PTCHD4: variants seen among roughly 807,000 people sequenced by gnomAD.
The protein encoded by PTCHD4 is patched domain containing 4.
In PTCHD4, 33 loss-of-function variants were observed where a neutral mutation model predicts 58.1. The observed-to-expected ratio is 0.57, with a 90% CI of 0.43 to 0.76. The LOEUF is 0.76. Among genes scored for constraint, PTCHD4 ranks in the 30% least tolerant of loss-of-function variants. The pLI is 0.00. For missense variants in PTCHD4, 1,058 were observed against 1,027.1 expected (o/e 1.03, Z -0.41); for synonymous variants, 478 against 409.6 (o/e 1.17, Z -2.02).
chr6:48,036,573 A>G (rs1476489669), intron 3 of PTCHD4, among the ~76,000 whole-genome samples: 2 of 152,116 alleles, frequency 1.3e-5, no homozygotes, highest in African/African-American at 2.4e-5. Flanking sequence ...GTCATTTAGT[A>G]GCTGCCACAG....
intron 4 of PTCHD4, among the ~76,000 whole-genome samples, chr6:47,982,061 A>G (rs1407752454): frequency 1.3e-5 from 2 of 152,178 alleles, no homozygotes; most frequent in Non-Finnish European, 2.9e-5. Context: ...TGTGACATTT[A>G]ACTGTCAAAA....
intron 3 of PTCHD4, among the ~76,000 whole-genome samples, chr6:48,051,450 C>T (rs1426571923): frequency 6.6e-6 from 1 of 151,892 alleles, no homozygotes; most frequent in East Asian, 1.9e-4. Flanking sequence ...CCCACAATTA[C>T]CTTAACAGTT....
chr6:48,068,375 A>T lies in PTCHD4; in HGVS notation c.272T>A (p.Leu91Gln). 1 of 1,613,926 alleles carries T rather than the reference A, an allele frequency of 6.2e-7. No homozygotes were observed. Among genetic ancestry groups the T allele is most frequent in the Non-Finnish European group, 8.5e-7 (1 of 1,179,864 alleles). Residue 91 changes from leucine to glutamine, a missense_variant, in exon 3 of 5, where the codon CTG becomes CAG. Leu to Gln is a moderately radical substitution (Grantham distance 113). Coordinates refer to ENST00000339488, the MANE Select transcript of PTCHD4 (RefSeq NM_001384253.1). The surrounding 1 kb of genome is among the most constrained non-coding windows in gnomAD (Gnocchi z 4.2). ...ATAGAGCTGGCTTTTGGACTGGTCC[A>T]GGGGGAAAAGGCTGCTGGCCAGGCT... ...ERSLASSLFP[L>Q]DQSKSQLYSD...
At chr6:48,063,456 T>C (rs112177953) in intron 3 of PTCHD4, among the ~76,000 whole-genome samples, 97 of 152,270 alleles carry the variant, frequency 6.4e-4, no homozygotes, top group African/African-American at 2.1e-3. Flanking sequence ...AGGGCTGTTG[T>C]TACAGAGAAT....
intron 1 of PTCHD4, among the ~76,000 whole-genome samples, chr6:48,081,906 A>C (rs1765176264): frequency 6.6e-6 from 1 of 152,218 alleles, no homozygotes; most frequent in Non-Finnish European, 1.5e-5. Flanking sequence ...AGAAATTGCT[A>C]TCCATTATTA....
intron 4 of PTCHD4, among the ~76,000 whole-genome samples, chr6:47,990,858 T>A (rs1225941461): frequency 6.6e-6 from 1 of 152,158 alleles, no homozygotes; most frequent in Non-Finnish European, 1.5e-5. Flanking sequence ...CATTAATGAA[T>A]ATTTTAAAAT....
At chr6:48,100,023 T>C (rs554902747) in intron 1 of PTCHD4, among the ~76,000 whole-genome samples, 1 of 152,272 alleles carries the variant, frequency 6.6e-6, no homozygotes, top group East Asian at 1.9e-4. Context: ...ATTATTGAAA[T>C]GTAACAGGAC....
Position 48,069,140 on chromosome 6 carries a change from A to AG in PTCHD4, c.-184dup, listed in dbSNP as rs56295592. Reference sequence around the variant, plus strand: ...TAAGAAGCAGACATGTGCCCCATAAAGGGGGGGGGGGCTGAGGGGGGGAGA... The same window carrying AG: ...TAAGAAGCAGACATGTGCCCCATAAAGGGGGGGGGGGGCTGAGGGGGGGAGA... On this transcript the variant is annotated 5_prime_UTR_variant, in exon 2 of 5. An upstream open reading frame in the 5' UTR gains an earlier in-frame stop. Coordinates refer to ENST00000339488, the MANE Select transcript of PTCHD4 (RefSeq NM_001384253.1). Among the ~76,000 whole-genome samples the AG allele has an allele frequency of 0.13, 6,119 of 47,112 alleles. 344 individuals carry two copies. The highest frequency in any genetic ancestry group is 0.17 in the Non-Finnish European group (4,392 of 25,368). 30.9% of individuals were successfully genotyped at this position (47,112 alleles called of 152,430 possible).
rs1763421268 is a variant in PTCHD4 at position 47,861,354 on chromosome 6, T to C, written c.*16949A>G. ...GTGTCTCAATTCTTGCCTGACTGTT[T>C]ACTTACTAGTATTTATTTCTTTTGG... On this transcript the variant is annotated 3_prime_UTR_variant, in exon 5 of 5. Transcript: ENST00000339488. Among the ~76,000 whole-genome samples the C allele has an allele frequency of 2.8e-4, 3 of 10,702 alleles. No homozygotes were observed. The Admixed American group carries it at 5.5e-3, about 20-fold the overall frequency. 7.0% of individuals were successfully genotyped at this position (10,702 alleles called of 152,430 possible).
At chr6:48,039,123 G>A (rs1763751672) in intron 3 of PTCHD4, among the ~76,000 whole-genome samples, 1 of 152,114 alleles carries the variant, frequency 6.6e-6, no homozygotes, top group Non-Finnish European at 1.5e-5. Context: ...ATTATCTACA[G>A]TGGCCCCAAA....
intron 4 of PTCHD4, among the ~76,000 whole-genome samples, chr6:47,987,371 A>G (rs2114024726): frequency 6.6e-6 from 1 of 151,716 alleles, no homozygotes; most frequent in East Asian, 2.0e-4. Flanking sequence ...ACAAACCTGC[A>G]TGTTGTGCAC....
At chr6:48,066,141 A>G (rs1221962697) in intron 3 of PTCHD4, among the ~76,000 whole-genome samples, 1 of 151,142 alleles carries the variant, frequency 6.6e-6, no homozygotes, top group Non-Finnish European at 1.5e-5. Flanking sequence ...TGTCACCCAG[A>G]CTACTACTGC....
At chr6:48,031,826 T>A (rs966976554) in intron 3 of PTCHD4, among the ~76,000 whole-genome samples, 9 of 152,130 alleles carry the variant, frequency 5.9e-5, no homozygotes, top group African/African-American at 2.2e-4. Flanking sequence ...GATTTTTTTA[T>A]AAGACATGGG....
chr6:48,060,303 C>T (rs998741448), intron 3 of PTCHD4, among the ~76,000 whole-genome samples: 2 of 152,116 alleles, frequency 1.3e-5, no homozygotes, highest in Non-Finnish European at 2.9e-5. Flanking sequence ...GGTAAGAGAA[C>T]GGAGCTCAAA....
Position 47,869,754 on chromosome 6 carries a change from T to C in PTCHD4, c.*8549A>G, listed in dbSNP as rs572439294. 6.6e-6 allele frequency among the ~76,000 whole-genome samples: 1 copy of C among 151,824 alleles called. No individual in the cohort carries two copies. The highest frequency in any genetic ancestry group is 2.1e-4 in the South Asian group (1 of 4,830). On this transcript the variant is annotated 3_prime_UTR_variant, in exon 5 of 5. Transcript: ENST00000339488. ...AAAATTACATTATAAGTTTTAGAAC[T>C]TGTGATTCAATAAAATACTAAAAAA...
chr6:48,037,444 C>T (rs1763680549), intron 3 of PTCHD4, among the ~76,000 whole-genome samples: 1 of 152,132 alleles, frequency 6.6e-6, no homozygotes. Context: ...TACACCGAAG[C>T]AGTGTAGAGG....
chr6:47,956,623 CG>C (rs1766872164), intron 4 of PTCHD4, among the ~76,000 whole-genome samples: 1 of 151,792 alleles, frequency 6.6e-6, no homozygotes, highest in Non-Finnish European at 1.5e-5. Context: ...TTAGTAGAGA[CG>C]GGGTTTCACC....
At chr6:47,962,650 C>T (rs759498131) in intron 4 of PTCHD4, among the ~76,000 whole-genome samples, 5 of 152,128 alleles carry the variant, frequency 3.3e-5, no homozygotes, top group South Asian at 2.1e-4. Flanking sequence ...CTTGGCCTTC[C>T]GCCATGATTA....
chr6:47,932,406 G>A (rs555797303), intron 4 of PTCHD4, among the ~76,000 whole-genome samples: 4 of 152,292 alleles, frequency 2.6e-5, no homozygotes, highest in African/African-American at 9.6e-5. Context: ...ATTAGGTTTG[G>A]AGCTTCTACC....
Sources: allele counts gnomAD v4.1 joint callset (sites outside exome capture counted in the v4.1 genomes callset), GRCh38; gene constraint gnomAD v4.1.1; non-coding constraint Gnocchi (gnomAD v3.1); transcripts MANE v1.5; gene names NCBI Gene and HGNC (gene_info 2026-07-23, HGNC 2026-07-21).